The following CEP85L variants were observed in gnomAD, a reference collection of about 807,000 sequenced individuals.
CEP85L encodes the protein centrosomal protein of 85 kDa-like.
CEP85L carries 60 observed loss-of-function variants against 100.3 expected under a neutral mutation model. The ratio of observed to expected loss-of-function variants is 0.60; its 90% CI spans 0.49 to 0.74. The LOEUF is 0.74. Ranked by LOEUF, CEP85L falls within the 30% of genes least tolerant of loss-of-function variation. The pLI is 0.00. For missense variants in CEP85L, 973 were observed against 936.2 expected (o/e 1.04, Z -0.51); for synonymous variants, 319 against 322.7 (o/e 0.99, Z 0.12).
chr6:118,517,767 T>A (rs1214768024), intron 4 of CEP85L, among the ~76,000 whole-genome samples: 2 of 152,210 alleles, frequency 1.3e-5, no homozygotes, highest in Non-Finnish European at 2.9e-5. Context: ...GAACTTCCAA[T>A]GCTATGTTGA....
chr6:118,580,106 C>T (rs1780483439), intron 2 of CEP85L, among the ~76,000 whole-genome samples: 1 of 152,188 alleles, frequency 6.6e-6, no homozygotes, highest in African/African-American at 2.4e-5. Flanking sequence ...CTCCTCCAGC[C>T]TCCTAATATA....
intron 1 of CEP85L, among the ~76,000 whole-genome samples, chr6:118,648,773 T>G (rs931947025): frequency 1.3e-5 from 2 of 151,284 alleles, no homozygotes; most frequent in Admixed American, 6.6e-5. Flanking sequence ...AGTGGTTCTA[T>G]AGTACCTTTG....
chr6:118,610,704 G>A lies in CEP85L; in HGVS notation c.232+21749C>T, dbSNP rs572795174. Among the ~76,000 whole-genome samples, 8 of 151,844 alleles carry A rather than the reference G, an allele frequency of 5.3e-5. No homozygotes were observed. The South Asian group carries it at 6.2e-4, about 12-fold the overall frequency. On this transcript the variant is annotated intron_variant, in intron 2 of 12. Coordinates refer to ENST00000368491, the MANE Select transcript of CEP85L (RefSeq NM_001042475.3). ...ACTACAAGACCCAAAGAAATCCACC[G>A]AAAGGCACATGATAATTGAATTTCT...
chr6:118,615,823 T>C (rs537814675), intron 2 of CEP85L, among the ~76,000 whole-genome samples: 101 of 152,348 alleles, frequency 6.6e-4, no homozygotes, highest in African/African-American at 2.2e-3. Context: ...CATGTTCTCA[T>C]ACATCACTGC....
At chr6:118,565,404 ATTAAC>A in intron 3 of CEP85L, 120 bp downstream of exon 3, 1 of 923,548 alleles carries the variant, frequency 1.1e-6, no homozygotes, top group Non-Finnish European at 1.7e-6. Context: ...ATTTCTGCCT[ATTAAC>A]TTGCAGGGAA....
intron 1 of CEP85L, among the ~76,000 whole-genome samples, chr6:118,673,960 C>T (rs17080474): frequency 6.6e-6 from 1 of 152,168 alleles, no homozygotes; most frequent in African/African-American, 2.4e-5. Flanking sequence ...GAGTTACCAA[C>T]AAGATTCAAA....
chr6:118,617,015 T>C (rs1773102788), intron 2 of CEP85L, among the ~76,000 whole-genome samples: 1 of 151,092 alleles, frequency 6.6e-6, no homozygotes, highest in Non-Finnish European at 1.5e-5. Flanking sequence ...CTGGGCAATG[T>C]AGCAAGCTCC....
upstream of CEP85L, chr6:118,652,565 C>T (rs1775630092): frequency 8.3e-6 from 12 of 1,437,500 alleles, no homozygotes; most frequent in Non-Finnish European, 1.0e-5. Context: ...CTTTGAGTTC[C>T]GCTTTTCCTG....
intron 1 of CEP85L, among the ~76,000 whole-genome samples, chr6:118,644,341 T>G (rs899493612): frequency 2.0e-5 from 3 of 152,026 alleles, no homozygotes; most frequent in Non-Finnish European, 4.4e-5. Context: ...AAAATGTTAG[T>G]GTCCCAGGGC....
In CEP85L at chr6:118,572,338, G is replaced by A. The variant is rs149867991; in HGVS notation, c.233-6022C>T. 3.9e-3 allele frequency among the ~76,000 whole-genome samples: 573 copies of A among 146,312 alleles called. 3 individuals carry two copies. Among genetic ancestry groups the A allele is most frequent in the African/African-American group, 0.013 (522 of 39,876 alleles). ...TGGGAAGCCAAAGTTGCCAGGTGAC[G>A]AGGTCAAGATATCAAGACCATCCTG... On this transcript the variant is annotated intron_variant, in intron 2 of 12. Transcript: ENST00000368491.
chr6:118,502,951 T>C, intron 5 of CEP85L: 2 of 379,886 alleles, frequency 5.3e-6, no homozygotes, highest in Non-Finnish European at 1.0e-5. Context: ...TGGTATTTGA[T>C]TATGTATTAT....
At chr6:118,646,584 G>T (rs1019910033) in intron 1 of CEP85L, among the ~76,000 whole-genome samples, 1 of 151,588 alleles carries the variant, frequency 6.6e-6, no homozygotes, top group Non-Finnish European at 1.5e-5. Context: ...TAGGAGAATC[G>T]CTTGAACCCC....
intron 2 of CEP85L, among the ~76,000 whole-genome samples, chr6:118,629,823 G>C (rs1315212106): frequency 6.6e-6 from 1 of 152,150 alleles, no homozygotes; most frequent in African/African-American, 2.4e-5. Context: ...AAGACAGTAA[G>C]CTGTTCATGA....
chr6:118,479,886 C>A lies in CEP85L; in HGVS notation c.1899G>T (p.Met633Ile). The change falls in exon 10 of 13, where the codon ATG (methionine) becomes ATT (isoleucine). Residue 633 changes from methionine to isoleucine, a missense_variant. By Grantham distance (10) the Met-to-Ile change is conservative (BLOSUM62 1). Coordinates refer to ENST00000368491, the MANE Select transcript of CEP85L (RefSeq NM_001042475.3). ...IDSQQDEIDR[M>I]ILEIQSMQGK... The stretch of plus-strand genomic sequence containing the variant: ...TATTCCTTACCTGAATTTCTAAAAT[C>A]ATTCTGTCAATCTCATCTTGTTGGC... 1.3e-6 allele frequency: 2 copies of A among 1,501,556 alleles called. No individual in the cohort carries two copies. The highest frequency in any genetic ancestry group is 1.8e-6 in the Non-Finnish European group (2 of 1,100,534). 93.0% of individuals were successfully genotyped at this position (1,501,556 alleles called of 1,614,324 possible). A position where few individuals can be genotyped will look rare whatever the true frequency, so the allele number is the denominator to read the frequency against.
At chr6:118,558,306 C>T (rs1191963625) in intron 3 of CEP85L, among the ~76,000 whole-genome samples, 1 of 152,010 alleles carries the variant, frequency 6.6e-6, no homozygotes, top group East Asian at 1.9e-4. Flanking sequence ...TTTCTCTCAA[C>T]GTTTAATATT....
At chr6:118,658,747 A>C (rs1029305276) in intron 1 of CEP85L, among the ~76,000 whole-genome samples, 2 of 152,170 alleles carry the variant, frequency 1.3e-5, no homozygotes, top group Non-Finnish European at 2.9e-5. Context: ...TAAGTAAATT[A>C]ATAAATATTT....
intron 2 of CEP85L, among the ~76,000 whole-genome samples, chr6:118,592,048 C>A (rs1197914750): frequency 1.3e-5 from 2 of 152,178 alleles, no homozygotes; most frequent in African/African-American, 4.8e-5. Context: ...CTGCTACCAT[C>A]TATAAATAAA....
chr6:118,617,062 A>T (rs1358457290), intron 2 of CEP85L, among the ~76,000 whole-genome samples: 1 of 152,150 alleles, frequency 6.6e-6, no homozygotes, highest in Non-Finnish European at 1.5e-5. Context: ...AATTTTAAAA[A>T]TAGTAAAACC....
intron 1 of CEP85L, among the ~76,000 whole-genome samples, chr6:118,669,687 C>T (rs890153621): frequency 3.9e-5 from 6 of 151,982 alleles, no homozygotes; most frequent in Non-Finnish European, 1.5e-5. Flanking sequence ...ACTACTAAAA[C>T]CTTTCATATC....
Sources: allele counts gnomAD v4.1 joint callset (sites outside exome capture counted in the v4.1 genomes callset), GRCh38; gene constraint gnomAD v4.1.1; transcripts MANE v1.5; gene names NCBI Gene and HGNC (gene_info 2026-07-23, HGNC 2026-07-21).